The following DGKB variants were observed in gnomAD, a reference collection of about 807,000 sequenced individuals.
The protein encoded by DGKB is 90 kDa diacylglycerol kinase.
A neutral mutation model predicts 114.3 loss-of-function variants in DGKB; 67 were observed. That is an observed-to-expected ratio of 0.59 (90% CI 0.48 to 0.72). The LOEUF is 0.72. DGKB is among the 30% of genes least tolerant of loss of function. DGKB has a pLI of 0.00. For missense variants in DGKB, 907 were observed against 975.2 expected (o/e 0.93, Z 0.93); for synonymous variants, 398 against 323.1 (o/e 1.23, Z -2.49).
At chr7:14,370,375 G>A (rs1817435972) in intron 21 of DGKB, among the ~76,000 whole-genome samples, 1 of 152,090 alleles carries the variant, frequency 6.6e-6, no homozygotes, top group South Asian at 2.1e-4. Flanking sequence ...CTCTAGCTTT[G>A]TTATTTTTGC....
chr7:14,524,002 T>C (rs1245738540), intron 20 of DGKB, among the ~76,000 whole-genome samples: 1 of 152,172 alleles, frequency 6.6e-6, no homozygotes, highest in Non-Finnish European at 1.5e-5. Flanking sequence ...TGCTGTGCAT[T>C]TCCCAGCTCT....
At chr7:14,374,603 C>G (rs933249300) in intron 21 of DGKB, among the ~76,000 whole-genome samples, 1 of 152,240 alleles carries the variant, frequency 6.6e-6, no homozygotes, top group Middle Eastern at 3.4e-3. Context: ...CTAATTAAAT[C>G]CTACATGATC....
At chr7:14,788,392 G>A (rs2128501281) in intron 2 of DGKB, among the ~76,000 whole-genome samples, 1 of 152,258 alleles carries the variant, frequency 6.6e-6, no homozygotes, top group South Asian at 2.1e-4. Flanking sequence ...TTGACATCTT[G>A]GGGTCTTGCT....
Position 14,375,815 on chromosome 7 carries a change from G to A in DGKB, c.1836-30424C>T, listed in dbSNP as rs1363500599. Among the ~76,000 whole-genome samples, 10 of 152,286 alleles carry A rather than the reference G, an allele frequency of 6.6e-5. No individual in the cohort carries two copies. The East Asian group carries it at 1.7e-3, about 26-fold the overall frequency. ...GTTCTTCGAGGGCAGTGATTTTCTTGCAAGGCTAAATCCTCAGTACCTGAA... is the reference window on the plus strand; with the variant it reads ...GTTCTTCGAGGGCAGTGATTTTCTTACAAGGCTAAATCCTCAGTACCTGAA... On this transcript the variant is annotated intron_variant, in intron 21 of 25. Coordinates refer to ENST00000402815, the MANE Select transcript of DGKB (RefSeq NM_001350709.2).
At chr7:14,854,402 A>G (rs1211230332) in intron 1 of DGKB, among the ~76,000 whole-genome samples, 1 of 152,194 alleles carries the variant, frequency 6.6e-6, no homozygotes, top group Non-Finnish European at 1.5e-5. Context: ...TTTTGGCACC[A>G]GGGACCGGTT....
chr7:14,442,462 C>A (rs1264226816), intron 21 of DGKB, among the ~76,000 whole-genome samples: 1 of 151,824 alleles, frequency 6.6e-6, no homozygotes, highest in Admixed American at 6.6e-5. Context: ...ATTTTGTTTA[C>A]TCTCTCTAGG....
intron 5 of DGKB, among the ~76,000 whole-genome samples, chr7:14,727,697 G>C (rs549569979): frequency 6.6e-6 from 1 of 152,112 alleles, no homozygotes; most frequent in African/African-American, 2.4e-5. Context: ...AAGCTATGTA[G>C]TCTGTTCAGT....
intron 1 of DGKB, among the ~76,000 whole-genome samples, chr7:14,879,904 A>G (rs111648913): frequency 1.3e-4 from 20 of 152,300 alleles, no homozygotes; most frequent in Non-Finnish European, 2.9e-5. Context: ...AAAATTATAT[A>G]TAATTTCTAG....
chr7:14,702,524 G>T (rs1466525490), intron 6 of DGKB, among the ~76,000 whole-genome samples: 1 of 152,100 alleles, frequency 6.6e-6, no homozygotes, highest in Non-Finnish European at 1.5e-5. Flanking sequence ...GATGACAGAG[G>T]TCCCTGATGG....
intron 21 of DGKB, among the ~76,000 whole-genome samples, chr7:14,447,675 T>G (rs1238793716): frequency 1.3e-5 from 2 of 152,090 alleles, no homozygotes; most frequent in Non-Finnish European, 2.9e-5. Flanking sequence ...TGTCCGGATC[T>G]CACAGATGAA....
At chr7:14,375,942 A>G (rs1342547620) in intron 21 of DGKB, among the ~76,000 whole-genome samples, 1 of 152,256 alleles carries the variant, frequency 6.6e-6, no homozygotes, top group Non-Finnish European at 1.5e-5. Context: ...AACTAGGCAT[A>G]CAGTCTTGGG....
At chr7:14,387,321 G>A (rs1232026377) in intron 21 of DGKB, among the ~76,000 whole-genome samples, 3 of 149,642 alleles carry the variant, frequency 2.0e-5, no homozygotes, top group African/African-American at 7.4e-5. Flanking sequence ...GCTGAGGCAG[G>A]AGAATTGCTT....
chr7:14,718,909 C>G (rs1413199536), intron 5 of DGKB: 1 of 434,422 alleles, frequency 2.3e-6, no homozygotes, highest in Non-Finnish European at 4.0e-6. Context: ...ACTGCCCTAT[C>G]AGCCACGGAT....
At chr7:14,602,749 A>G (rs1484541526) in intron 17 of DGKB, among the ~76,000 whole-genome samples, 1 of 152,296 alleles carries the variant, frequency 6.6e-6, no homozygotes, top group Middle Eastern at 3.4e-3. Context: ...GTTGTTTGTA[A>G]TTAGCCAGTC....
chr7:14,328,116 AC>A (rs1450716011), intron 23 of DGKB, among the ~76,000 whole-genome samples: 1 of 152,122 alleles, frequency 6.6e-6, no homozygotes, highest in Non-Finnish European at 1.5e-5. Context: ...TCCATCTCTT[AC>A]TATTCTTCTA....
chr7:14,627,041 A>C (rs1222198278), intron 14 of DGKB, among the ~76,000 whole-genome samples: 1 of 152,212 alleles, frequency 6.6e-6, no homozygotes, highest in Non-Finnish European at 1.5e-5. Flanking sequence ...AGACAAAAGT[A>C]CTGACATAAA....
Position 14,464,875 on chromosome 7 carries a change from A to T in DGKB, c.1835+13286T>A, listed in dbSNP as rs1833598974. 2.0e-5 allele frequency among the ~76,000 whole-genome samples: 3 copies of T among 152,144 alleles called. No homozygotes were observed. The South Asian group carries it at 6.2e-4, about 31-fold the overall frequency. ...TTTTCTTTCTTCCTGTGTACACAAG[A>T]ACCTCTCAGACTTTATGTGAGCACA... On this transcript the variant is annotated intron_variant, in intron 21 of 25. Transcript: ENST00000402815.
At chr7:14,382,379 GTTT>G (rs34862681) in intron 21 of DGKB, among the ~76,000 whole-genome samples, 88 of 147,254 alleles carry the variant, frequency 6.0e-4, no homozygotes, top group Middle Eastern at 3.5e-3. Flanking sequence ...CAAATACATA[GTTT>G]TTTTTTTTTT....
intron 2 of DGKB, among the ~76,000 whole-genome samples, chr7:14,806,072 TC>T (rs932870674): frequency 1.9e-4 from 29 of 151,674 alleles, no homozygotes; most frequent in South Asian, 6.2e-4. Context: ...TGAGATCTTT[TC>T]TTTTATAAAT....
Sources: gnomAD v4.1 joint callset for allele counts (sites outside exome capture counted in the v4.1 genomes callset) on GRCh38, gnomAD v4.1.1 for gene constraint, MANE v1.5 for transcripts, NCBI Gene and HGNC (gene_info 2026-07-23, HGNC 2026-07-21) for gene names.